Variants in CCDC171 observed in about 807,000 individuals in gnomAD.
CCDC171 encodes the protein coiled-coil domain-containing protein 171.
In CCDC171, 177 loss-of-function variants were observed where a neutral mutation model predicts 168.2. That is an observed-to-expected ratio of 1.05 (90% CI 0.93 to 1.19). CCDC171 has a LOEUF of 1.19. CCDC171 is among the 50% of genes most tolerant of loss of function. CCDC171 has a pLI of 0.00. For synonymous variants in CCDC171, 687 were observed against 540.8 expected, an observed-to-expected ratio of 1.27 and a Z score of -3.75; for missense variants, 1,991 against 1,539.0, an observed-to-expected ratio of 1.29 and a Z score of -4.91.
intron 21 of CCDC171, among the ~76,000 whole-genome samples, chr9:15,810,937 C>T (rs909738158): frequency 1.2e-4 from 18 of 152,246 alleles, no homozygotes; most frequent in Admixed American, 5.9e-4. Context: ...GCCAGGGCTG[C>T]TAGCACATTG....
rs373574180 is a variant in CCDC171, at chr9:15,874,417, G to A, written c.3469-115G>A. On this transcript the variant is annotated intron_variant, in intron 23 of 25. Transcript: ENST00000380701. ...TCAATTAGTCCTAAATTTATTCATG[G>A]ATTTCAGGTCCAGCGATCAATGCAA... 5.2e-6 allele frequency: 4 copies of A among 775,632 alleles called. No homozygotes were observed. The African/African-American group carries it at 5.4e-5, about 10-fold the overall frequency. The allele number at this position is 775,632 out of a possible 1,614,324, so 48.0% of individuals were successfully genotyped here.
intron 6 of CCDC171, among the ~76,000 whole-genome samples, chr9:15,595,225 G>A (rs2042256851): frequency 6.6e-6 from 1 of 151,908 alleles, no homozygotes; most frequent in Non-Finnish European, 1.5e-5. Context: ...GTATACATGT[G>A]CCATGTTGGT....
chr9:15,780,956 G>T (rs2135438819), intron 20 of CCDC171, among the ~76,000 whole-genome samples: 1 of 152,166 alleles, frequency 6.6e-6, no homozygotes. Context: ...CCTTCCGTTT[G>T]ATTTGCTTCT....
intron 25 of CCDC171, among the ~76,000 whole-genome samples, chr9:15,967,121 A>C (rs1488622365): frequency 2.0e-5 from 3 of 152,198 alleles, no homozygotes; most frequent in Non-Finnish European, 4.4e-5. Context: ...ATTGACAGGT[A>C]GAATTTGGCT....
At chr9:16,069,575 C>T in the CCDC171 span, among the ~76,000 whole-genome samples, 1 of 152,230 alleles carries the variant, frequency 6.6e-6, no homozygotes, top group Non-Finnish European at 1.5e-5. Flanking sequence ...GAAGGAGAAG[C>T]AGCTCTGGTC....
chr9:15,903,821 G>A (rs7871064), intron 24 of CCDC171, among the ~76,000 whole-genome samples: 83,852 of 151,944 alleles, frequency 0.55, 23,327 homozygotes, highest in East Asian at 0.81. Context: ...CAATGCAGAG[G>A]AGTCCTTAAT....
At chr9:16,085,006 C>A in the CCDC171 span, among the ~76,000 whole-genome samples, 1 of 152,174 alleles carries the variant, frequency 6.6e-6, no homozygotes, top group Non-Finnish European at 1.5e-5. Flanking sequence ...GTGTATAGTG[C>A]CTACTTTTGG....
chr9:15,629,421 G>T (rs1009788040), intron 7 of CCDC171, among the ~76,000 whole-genome samples: 1 of 152,178 alleles, frequency 6.6e-6, no homozygotes, highest in African/African-American at 2.4e-5. Context: ...GGAAGAAAGG[G>T]TATCAGTGAT....
At position 15,745,494 on chromosome 9, in the gene CCDC171, TG is replaced by T; in HGVS notation, c.2555-19del. On this transcript the variant is annotated intron_variant, in intron 17 of 25. Coordinates refer to ENST00000380701, the MANE Select transcript of CCDC171 (RefSeq NM_173550.4). ...AATAAAGTTTTGTAGAATTTTACAATGGATTTTTTCAATTTTATAGAACATC... is the reference window on the plus strand; with the variant it reads ...AATAAAGTTTTGTAGAATTTTACAATGATTTTTTCAATTTTATAGAACATC... The T allele has an allele frequency of 7.0e-7, 1 of 1,432,102 alleles. No individual in the cohort carries two copies. The highest frequency in any genetic ancestry group is 9.5e-7 in the Non-Finnish European group (1 of 1,054,876). The allele number at this position is 1,432,102 out of a possible 1,614,324, so 88.7% of individuals were successfully genotyped here.
chr9:15,898,530 G>C (rs1224643992), intron 24 of CCDC171, among the ~76,000 whole-genome samples: 1 of 152,138 alleles, frequency 6.6e-6, no homozygotes. Context: ...GCAGAAGACT[G>C]GTTGGTCTAG....
At chr9:15,965,172 T>A (rs147650628) in intron 25 of CCDC171, among the ~76,000 whole-genome samples, 4 of 152,340 alleles carry the variant, frequency 2.6e-5, no homozygotes, top group Non-Finnish European at 5.9e-5. Flanking sequence ...TTGTGTAAGT[T>A]CCATGAGATC....
intron 24 of CCDC171, among the ~76,000 whole-genome samples, chr9:15,905,390 A>G (rs992322801): frequency 6.6e-6 from 1 of 152,206 alleles, no homozygotes; most frequent in Non-Finnish European, 1.5e-5. Context: ...GCTCAACTAC[A>G]TGGAAACTGA....
chr9:15,956,038 C>G (rs897747235), intron 25 of CCDC171, among the ~76,000 whole-genome samples: 1 of 152,142 alleles, frequency 6.6e-6, no homozygotes, highest in Non-Finnish European at 1.5e-5. Context: ...GGGCAATTTC[C>G]TAATTACTTA....
intron 21 of CCDC171, among the ~76,000 whole-genome samples, chr9:15,810,739 G>A (rs948811063): frequency 5.3e-5 from 8 of 152,194 alleles, no homozygotes; most frequent in African/African-American, 1.9e-4. Flanking sequence ...AACTCGCGCT[G>A]CCCTGTGAGT....
intron 11 of CCDC171, among the ~76,000 whole-genome samples, chr9:15,705,959 G>A (rs980384339): frequency 6.6e-6 from 1 of 152,130 alleles, no homozygotes; most frequent in African/African-American, 2.4e-5. Flanking sequence ...CTAAATTACA[G>A]CAGCTCTTTG....
intron 25 of CCDC171, among the ~76,000 whole-genome samples, chr9:15,953,496 T>C (rs1829441039): frequency 6.6e-6 from 1 of 152,206 alleles, no homozygotes; most frequent in Non-Finnish European, 1.5e-5. Context: ...GGCTTTTGTA[T>C]GTTGAGCTCT....
intron 3 of CCDC171, among the ~76,000 whole-genome samples, chr9:15,981,075 A>G (rs1008136284): frequency 6.6e-6 from 1 of 152,130 alleles, no homozygotes; most frequent in African/African-American, 2.4e-5. Context: ...TACTGTCACG[A>G]GAAAAGCCAG....
intron 25 of CCDC171, among the ~76,000 whole-genome samples, chr9:15,958,677 C>T (rs773616870): frequency 1.3e-5 from 2 of 151,792 alleles, no homozygotes; most frequent in Non-Finnish European, 2.9e-5. Context: ...GAAAGGGCAG[C>T]ATGCAAAAGT....
intron 25 of CCDC171, among the ~76,000 whole-genome samples, chr9:15,959,285 A>G (rs1830123475): frequency 6.6e-6 from 1 of 152,164 alleles, no homozygotes; most frequent in South Asian, 2.1e-4. Context: ...ATAAAGTAAC[A>G]GGTCTTACCA....
Sources: gnomAD v4.1 joint callset for allele counts (sites outside exome capture counted in the v4.1 genomes callset) on GRCh38, gnomAD v4.1.1 for gene constraint, MANE v1.5 for transcripts, NCBI Gene and HGNC (gene_info 2026-07-23, HGNC 2026-07-21) for gene names.